BRD10: variants seen among roughly 807,000 people sequenced by gnomAD.
BRD10 encodes bromodomain containing 10, also known as uncharacterized bromodomain-containing protein 10.
chr9:5,961,733 G>T, the BRD10 span, among the ~76,000 whole-genome samples: 3 of 151,968 alleles, frequency 2.0e-5, no homozygotes, highest in African/African-American at 7.2e-5. Context: ...GCCTAAATGA[G>T]TAAAAATGAA....
chr9:5,979,550 A>T, the BRD10 span, among the ~76,000 whole-genome samples: 2 of 152,164 alleles, frequency 1.3e-5, no homozygotes, highest in African/African-American at 4.8e-5. Context: ...TATTTCTGAA[A>T]ATCCAAATGG....
the BRD10 span, among the ~76,000 whole-genome samples, chr9:5,990,784 T>C: frequency 6.6e-6 from 1 of 152,196 alleles, no homozygotes. Flanking sequence ...ACAACATTAG[T>C]AGAAGTGTAA....
the BRD10 span, among the ~76,000 whole-genome samples, chr9:5,964,967 T>A: frequency 6.8e-6 from 1 of 147,368 alleles, no homozygotes; most frequent in East Asian, 2.0e-4. Context: ...GATGACAAGT[T>A]CGTGGGTGCA....
chr9:5,893,637 T>C, the BRD10 span, among the ~76,000 whole-genome samples: 1 of 152,174 alleles, frequency 6.6e-6, no homozygotes, highest in Non-Finnish European at 1.5e-5. Flanking sequence ...GTGCTATTAG[T>C]TAGGGTATCG....
the BRD10 span, among the ~76,000 whole-genome samples, chr9:5,912,255 T>C: frequency 2.0e-5 from 3 of 152,198 alleles, no homozygotes; most frequent in African/African-American, 7.2e-5. Context: ...TTTATCAGTT[T>C]GAATAGTTTT....
the BRD10 span, chr9:5,924,771 G>T: frequency 6.2e-7 from 1 of 1,604,410 alleles, no homozygotes; most frequent in Non-Finnish European, 8.5e-7. Flanking sequence ...TTCATCAGTG[G>T]TCCATAGTTC....
the BRD10 span, among the ~76,000 whole-genome samples, chr9:5,973,443 G>A: frequency 1.3e-5 from 2 of 152,088 alleles, no homozygotes; most frequent in Non-Finnish European, 2.9e-5. Flanking sequence ...CTCCAGCCTG[G>A]GTGACAGAGT....
the BRD10 span, chr9:5,988,455 C>T: frequency 6.2e-6 from 10 of 1,613,906 alleles, no homozygotes; most frequent in Middle Eastern, 4.9e-4. Flanking sequence ...TTGACCGACG[C>T]CTTGTTGAGG....
chr9:5,956,008 A>G, the BRD10 span, among the ~76,000 whole-genome samples: 29,548 of 152,036 alleles, frequency 0.19, 3,054 homozygotes, highest in Middle Eastern at 0.29. Flanking sequence ...AAAGTTCACA[A>G]GAAAAAACTG....
chr9:5,882,162 A>G, the BRD10 span, among the ~76,000 whole-genome samples: 22 of 152,148 alleles, frequency 1.4e-4, no homozygotes, highest in Non-Finnish European at 3.1e-4. Context: ...CGAACCCAGT[A>G]CTGTGTAACT....
chr9:5,929,057 A>C, the BRD10 span: 5 of 1,565,844 alleles, frequency 3.2e-6, no homozygotes, highest in Non-Finnish European at 4.4e-6. Flanking sequence ...TTTCTTTGGA[A>C]AGCCTTCATT....
At chr9:5,983,228 G>A in the BRD10 span, among the ~76,000 whole-genome samples, 32 of 152,192 alleles carry the variant, frequency 2.1e-4, no homozygotes, top group African/African-American at 6.0e-4. Context: ...AGAGGCCTGA[G>A]AGGCATTATG....
At chr9:5,948,504 A>C in the BRD10 span, among the ~76,000 whole-genome samples, 1 of 152,068 alleles carries the variant, frequency 6.6e-6, no homozygotes, top group Non-Finnish European at 1.5e-5. Flanking sequence ...GTAGAGATAA[A>C]AAAAAAAACT....
At chr9:5,951,027 G>A in the BRD10 span, among the ~76,000 whole-genome samples, 1 of 141,860 alleles carries the variant, frequency 7.0e-6, no homozygotes, top group Non-Finnish European at 1.5e-5. Context: ...GATACAGAGG[G>A]CTGACTGTAC....
At chr9:5,964,393 A>T in the BRD10 span, among the ~76,000 whole-genome samples, 1 of 152,030 alleles carries the variant, frequency 6.6e-6, no homozygotes, top group Non-Finnish European at 1.5e-5. Flanking sequence ...AATCATTCAA[A>T]AGTCAGGAAA....
chr9:5,927,394 A>C, the BRD10 span, among the ~76,000 whole-genome samples: 1 of 152,202 alleles, frequency 6.6e-6, no homozygotes, highest in African/African-American at 2.4e-5. Flanking sequence ...CATTTCCATC[A>C]GTACACAAAC....
At chr9:5,993,492 G>A in the BRD10 span, among the ~76,000 whole-genome samples, 2 of 152,244 alleles carry the variant, frequency 1.3e-5, no homozygotes, top group South Asian at 4.1e-4. Context: ...GTGCAGGCAA[G>A]GTTGAGAGAA....
At chr9:5,967,826 G>A in the BRD10 span, among the ~76,000 whole-genome samples, 2 of 151,620 alleles carry the variant, frequency 1.3e-5, no homozygotes, top group Admixed American at 1.3e-4. Context: ...TACTTTTTTT[G>A]TTGTAAGTAT....
At chr9:5,953,697 TAC>T in the BRD10 span, among the ~76,000 whole-genome samples, 40 of 150,868 alleles carry the variant, frequency 2.7e-4, 1 homozygote, top group African/African-American at 4.9e-4. Flanking sequence ...TATATATACA[TAC>T]ACACACACAC....
Sources: gnomAD v4.1 joint callset for allele counts (sites outside exome capture counted in the v4.1 genomes callset) on GRCh38, gnomAD v4.1.1 for gene constraint, MANE v1.5 for transcripts, NCBI Gene and HGNC (gene_info 2026-07-23, HGNC 2026-07-21) for gene names.